ADCK2: variants seen among roughly 807,000 people sequenced by gnomAD.
ADCK2 encodes the protein uncharacterized aarF domain-containing protein kinase 2.
Under a neutral mutation model 52.3 loss-of-function variants are expected in ADCK2, and 37 were observed. The observed-to-expected ratio is 0.71, with a 90% confidence interval of 0.54 to 0.93. The LOEUF (loss-of-function observed/expected upper bound fraction) is 0.93. ADCK2 is among the 40% of genes least tolerant of loss of function. The pLI, the probability that ADCK2 is intolerant of heterozygous loss-of-function variation, is 0.00. For missense variants in ADCK2, 695 were observed against 798.7 expected, an observed-to-expected ratio of 0.87 and a Z score of 1.56; for synonymous variants, 321 against 349.2, an observed-to-expected ratio of 0.92 and a Z score of 0.90.
chr7:140,694,862 T>C lies in ADCK2; in HGVS notation c.*59T>C. 6.5e-7 allele frequency: 1 copy of C among 1,536,798 alleles called. No individual in the cohort carries two copies. Among genetic ancestry groups the C allele is most frequent in the South Asian group, 1.2e-5 (1 of 80,436 alleles). On this transcript the variant is annotated 3_prime_UTR_variant, in exon 8 of 8. Coordinates refer to ENST00000072869, the MANE Select transcript of ADCK2 (RefSeq NM_052853.4). ...GCTGGAGGCCACTCCCAAGAGCCTC[T>C]CCTATGGCAGCTGGGACGTTTTAAA...
Position 140,674,459 on chromosome 7 carries a change from TG to T in ADCK2, c.934-150del. 1 of 1,128,532 alleles carries T rather than the reference TG, an allele frequency of 8.9e-7. No homozygotes were observed. The highest frequency in any genetic ancestry group is 1.2e-6 in the Non-Finnish European group (1 of 815,770). The allele number at this position is 1,128,532 out of a possible 1,614,324, so 69.9% of individuals were successfully genotyped here. A position where few individuals can be genotyped will look rare whatever the true frequency, so the allele number is the denominator to read the frequency against. ...CTGATAGAGGAAAATGAACTGAGTC[TG>T]GAGTGAACTAACTGCTTGGGTGTCG... On this transcript the variant is annotated intron_variant, in intron 1 of 7. Transcript: ENST00000072869. This position sits in a 1 kb window ranked among gnomAD's most constrained non-coding sequence, Gnocchi z 4.6.
chr7:140,681,614 C>G (rs1794518042), intron 4 of ADCK2, among the ~76,000 whole-genome samples: 1 of 151,808 alleles, frequency 6.6e-6, no homozygotes, highest in African/African-American at 2.4e-5. Context: ...ACCACCACAC[C>G]CGGCCTTTTT....
intron 5 of ADCK2, among the ~76,000 whole-genome samples, chr7:140,689,273 T>A (rs573803283): frequency 3.9e-5 from 6 of 152,068 alleles, no homozygotes; most frequent in East Asian, 1.9e-4. Flanking sequence ...TGGCTCTTTT[T>A]AAAAAAAAAT....
At chr7:140,687,442 C>G (rs1794624459) in intron 5 of ADCK2, among the ~76,000 whole-genome samples, 1 of 152,042 alleles carries the variant, frequency 6.6e-6, no homozygotes, top group South Asian at 2.1e-4. Context: ...AGGCCAGGCA[C>G]AGTGGTTCAC....
intron 2 of ADCK2, 127 bp from the exon 3 acceptor site, chr7:140,679,028 A>G: frequency 7.9e-7 from 1 of 1,268,634 alleles, no homozygotes; most frequent in Non-Finnish European, 1.1e-6. Flanking sequence ...TTTCTGGGCA[A>G]GTTCTGCGGG....
rs376611609 is a variant in ADCK2 at position 140,673,589 on chromosome 7, G to A, written c.259G>A (p.Ala87Thr). Residue 87 changes from alanine (A) to threonine (T), a missense_variant, in exon 1 of 8, where the codon GCG (alanine) becomes ACG (threonine). By Grantham distance (58) the Ala-to-Thr change is moderately conservative. Transcript: ENST00000072869. This position sits in a 1 kb window ranked among gnomAD's most constrained non-coding sequence, Gnocchi z 6.4. ...GGGGCCCGCGGAGAGCCTCCCCCGA[G>A]CGGGACCTCTGGGCGGCGTCTTCCT... Reference protein sequence around the residue: ...GAGPAESLPRAGPLGGVFLHL... With the variant: ...GAGPAESLPRTGPLGGVFLHL... 1 of 1,606,026 alleles carries A rather than the reference G, an allele frequency of 6.2e-7. No individual in the cohort carries two copies. The highest frequency in any genetic ancestry group is 8.5e-7 in the Non-Finnish European group (1 of 1,179,438).
rs1794737740 is a variant in ADCK2, at chr7:140,693,287, G to C, written c.1741-1376G>C. On this transcript the variant is annotated intron_variant, in intron 7 of 7. Transcript: ENST00000072869. The surrounding 1 kb of genome is among the most constrained non-coding windows in gnomAD (Gnocchi z 4.0). Reference sequence around the variant, plus strand: ...TGTTAGAGCCCTGGGTTCCCACCCGGACCAGAGCCTGTGTGGCCAATCTGC... The same window carrying C: ...TGTTAGAGCCCTGGGTTCCCACCCGCACCAGAGCCTGTGTGGCCAATCTGC... Among the ~76,000 whole-genome samples, 1 of 152,176 alleles carries C rather than the reference G, an allele frequency of 6.6e-6. No individual in the cohort carries two copies. The highest frequency in any genetic ancestry group is 2.4e-5 in the African/African-American group (1 of 41,448).
rs1794368893 is a variant in ADCK2 at position 140,674,772 on chromosome 7, C to T, written c.1080+15C>T. 1.2e-6 allele frequency: 2 copies of T among 1,611,872 alleles called. No individual in the cohort carries two copies. Among genetic ancestry groups the T allele is most frequent in the East Asian group, 2.2e-5 (1 of 44,832 alleles). On this transcript the variant is annotated intron_variant, in intron 2 of 7. Transcript: ENST00000072869. The surrounding 1 kb of genome is among the most constrained non-coding windows in gnomAD (Gnocchi z 4.6). ...TGGTCCAACAGGTGAGTTCTCCTCCCCTCAGCTGTAAATAGCACCTAACAT... is the reference window on the plus strand; with the variant it reads ...TGGTCCAACAGGTGAGTTCTCCTCCTCTCAGCTGTAAATAGCACCTAACAT...
intron 5 of ADCK2, among the ~76,000 whole-genome samples, chr7:140,688,898 C>T (rs549680461): frequency 1.8e-4 from 27 of 152,112 alleles, no homozygotes; most frequent in African/African-American, 5.5e-4. Flanking sequence ...GCCCTCTGGC[C>T]GGCTGGCAAA....
In ADCK2 at chr7:140,673,926, CTT is replaced by C; in HGVS notation, c.599_600del (p.Phe200Ter). 1 of 1,614,016 alleles carries C rather than the reference CTT, an allele frequency of 6.2e-7. No homozygotes were observed. The highest frequency in any genetic ancestry group is 8.5e-7 in the Non-Finnish European group (1 of 1,180,046). On this transcript the variant is annotated frameshift_variant, in exon 1 of 8. Coordinates refer to ENST00000072869, the MANE Select transcript of ADCK2 (RefSeq NM_052853.4). LOFTEE classifies it high-confidence loss of function. The surrounding 1 kb of genome is among the most constrained non-coding windows in gnomAD (Gnocchi z 6.4). Reference sequence around the variant, plus strand: ...GGGGATGACTGGGGGAGCATCCTCTCTTTTGAGAACCGGGAACCTGTGGGCTC... The same window carrying C: ...GGGGATGACTGGGGGAGCATCCTCTCTTGAGAACCGGGAACCTGTGGGCTC...
intron 7 of ADCK2, among the ~76,000 whole-genome samples, chr7:140,692,277 A>C (rs1458050778): frequency 1.3e-5 from 2 of 152,192 alleles, no homozygotes; most frequent in Non-Finnish European, 2.9e-5. Flanking sequence ...ATATAAGTGG[A>C]ATTATAAAGT....
intron 2 of ADCK2, among the ~76,000 whole-genome samples, chr7:140,677,550 C>T (rs1480899000): frequency 6.6e-6 from 1 of 152,110 alleles, no homozygotes; most frequent in Non-Finnish European, 1.5e-5. Context: ...ATTCCCTTAA[C>T]AATGCAGTTT....
intron 2 of ADCK2, among the ~76,000 whole-genome samples, chr7:140,676,601 A>T (rs188301979): frequency 6.6e-6 from 1 of 152,320 alleles, no homozygotes; most frequent in East Asian, 1.9e-4. Context: ...AGCTCTTCCT[A>T]CTAAGCCTGT....
chr7:140,690,710 G>C (rs200464789), intron 6 of ADCK2, 50 bp from the exon 7 acceptor site: 2 of 1,571,458 alleles, frequency 1.3e-6, no homozygotes, highest in Admixed American at 3.5e-5. Flanking sequence ...GGAAATGAGC[G>C]GTTCTGGAAG....
At chr7:140,685,970 A>G (rs1426105835) in intron 4 of ADCK2, among the ~76,000 whole-genome samples, 1 of 152,178 alleles carries the variant, frequency 6.6e-6, no homozygotes, top group African/African-American at 2.4e-5. Context: ...CTAATTCTGC[A>G]TACCAGTATG....
At chr7:140,690,159 G>A (rs1305603413) in intron 6 of ADCK2, among the ~76,000 whole-genome samples, 1 of 152,146 alleles carries the variant, frequency 6.6e-6, no homozygotes, top group Non-Finnish European at 1.5e-5. Flanking sequence ...GACAAGGAGT[G>A]GCCACTGGCA....
At chr7:140,690,692 G>C (rs908298920) in intron 6 of ADCK2, 68 bp from the exon 7 acceptor site, 4 of 1,452,358 alleles carry the variant, frequency 2.8e-6, no homozygotes, top group Non-Finnish European at 3.8e-6. Flanking sequence ...GAGAGTGTGG[G>C]GGTGGTGGGA....
chr7:140,688,048 CT>C (rs915313437), intron 5 of ADCK2, among the ~76,000 whole-genome samples: 275 of 141,256 alleles, frequency 1.9e-3, no homozygotes, highest in Non-Finnish European at 1.9e-3. Context: ...CTGTCTCTGT[CT>C]TTTTTTTTTT....
chr7:140,681,065 C>T lies in ADCK2; in HGVS notation c.1233C>T (p.Tyr411=), dbSNP rs1464003016. The T allele has an allele frequency of 6.2e-7, 1 of 1,614,122 alleles. No individual in the cohort carries two copies. The highest frequency in any genetic ancestry group is 8.5e-7 in the Non-Finnish European group (1 of 1,180,012). ...TYEESVPVSS[Y]QQAGIPVDLK... is the part of the protein sequence containing the mutation. ...AGGAGAGTGTGCCTGTGTCCAGTTA[C>T]CAGCAGGCAGGAATTCCCGTGGACT... Residue 411 remains tyrosine, a synonymous_variant, in exon 4 of 8, where the codon TAC becomes TAT. Transcript: ENST00000072869.
Sources: allele counts gnomAD v4.1 joint callset (sites outside exome capture counted in the v4.1 genomes callset), GRCh38; gene constraint gnomAD v4.1.1; non-coding constraint Gnocchi (gnomAD v3.1); transcripts MANE v1.5; gene names NCBI Gene and HGNC (gene_info 2026-07-23, HGNC 2026-07-21).